The following SERPINB6 variants were observed in gnomAD, a reference collection of about 807,000 sequenced individuals.
SERPINB6 encodes the protein serpin family B member 6.
In SERPINB6, 16 loss-of-function variants were observed where a neutral mutation model predicts 26.1. The observed-to-expected ratio is 0.61, with a 90% confidence interval of 0.42 to 0.93. SERPINB6 has a LOEUF of 0.93. Among genes scored for constraint, SERPINB6 ranks in the 40% least tolerant of loss-of-function variants. The pLI is 0.00. For missense variants in SERPINB6, 420 were observed against 478.0 expected, an observed-to-expected ratio of 0.88 and a Z score of 1.13; for synonymous variants, 174 against 176.6, an observed-to-expected ratio of 0.99 and a Z score of 0.11.
At position 2,948,532 on chromosome 6, in the gene SERPINB6, C is replaced by T. The variant is rs553083417; in HGVS notation, c.897G>A (p.Lys299=). ...LGMTDAFELG[K]ADFSGMSQTD... ...TCTGGGACATTCCAGAGAAGTCTGC[C>T]TTGCCCAGCTCGAAGGCATCAGTCA... The change falls in exon 7 of 7, where the codon AAG becomes AAA. Residue 299 remains lysine (K), a synonymous_variant. Coordinates refer to ENST00000380539, the MANE Select transcript of SERPINB6 (RefSeq NM_004568.6). This position sits in a 1 kb window ranked among gnomAD's most constrained non-coding sequence, Gnocchi z 5.0. 2 of 1,614,190 alleles carry T rather than the reference C, an allele frequency of 1.2e-6. No individual in the cohort carries two copies. Among genetic ancestry groups the T allele is most frequent in the South Asian group, 2.2e-5 (2 of 91,080 alleles).
chr6:2,969,242 A>G, intron 1 of SERPINB6: 2 of 985,770 alleles, frequency 2.0e-6, no homozygotes, highest in Middle Eastern at 5.2e-4. Context: ...GTGAGTAACA[A>G]GGATGCCTGT....
chr6:2,954,473 T>C, intron 4 of SERPINB6, 119 bp downstream of exon 4: 2 of 848,284 alleles, frequency 2.4e-6, no homozygotes, highest in Non-Finnish European at 2.0e-6. Context: ...TTTTTTAAGT[T>C]TGCAGTTATT....
chr6:2,962,055 C>T (rs2113288424), intron 1 of SERPINB6: 2 of 985,412 alleles, frequency 2.0e-6, no homozygotes, highest in Non-Finnish European at 2.4e-6. Context: ...GAAATGTCCA[C>T]CTAAGAAAGG....
At chr6:2,965,261 C>T (rs537083967) in intron 1 of SERPINB6, among the ~76,000 whole-genome samples, 86 of 152,188 alleles carry the variant, frequency 5.7e-4, no homozygotes, top group African/African-American at 2.0e-3. Flanking sequence ...TCATATGCTT[C>T]GACACAAGGA....
rs754009164 is a variant in SERPINB6, at chr6:2,948,648, T to C, written c.781A>G (p.Met261Val). 22 of 1,614,082 alleles carry C rather than the reference T, an allele frequency of 1.4e-5. No homozygotes were observed. In the Admixed American group the frequency reaches 2.2e-4, roughly 16 times the overall value. ...ACTTCCACCTCCTCTTCATCCATCA[T>C]GTCCAGCCTCGTCCATTCTACGAAC... ...EKFVEWTRLDMMDEEEVEVSL... is the reference protein window; with the variant it reads ...EKFVEWTRLDVMDEEEVEVSL... The change falls in exon 7 of 7, where the codon ATG becomes GTG. Residue 261 changes from methionine (M) to valine (V), a missense_variant. Physicochemically the swap from Met to Val is conservative, Grantham distance 21. Coordinates refer to ENST00000380539, the MANE Select transcript of SERPINB6 (RefSeq NM_004568.6). The surrounding 1 kb of genome is among the most constrained non-coding windows in gnomAD (Gnocchi z 5.0).
At chr6:2,961,467 C>A (rs917144023) in intron 1 of SERPINB6, 1 of 152,132 alleles carries the variant, frequency 6.6e-6, no homozygotes, top group African/African-American at 2.4e-5. Context: ...GGAACTGAAG[C>A]AAAATTGGGC....
In SERPINB6 at chr6:2,948,423, C is replaced by G. The variant is rs766618230; in HGVS notation, c.1006G>C (p.Ala336Pro). 1.2e-6 allele frequency: 2 copies of G among 1,614,106 alleles called. No individual in the cohort carries two copies. Among genetic ancestry groups the G allele is most frequent in the African/African-American group, 1.3e-5 (1 of 74,924 alleles). The part of the protein sequence containing the change: ...EGTEAAAATA[A>P]IMMMRCARFV... ...CTGGCACACCGCATCATCATGATGG[C>G]AGCTGTGGCGGCTGCAGCCTCCGTG... Residue 336 changes from alanine (A) to proline (P), a missense_variant, in exon 7 of 7, where the codon GCC (alanine) becomes CCC (proline). Coordinates refer to ENST00000380539, the MANE Select transcript of SERPINB6 (RefSeq NM_004568.6). This position sits in a 1 kb window ranked among gnomAD's most constrained non-coding sequence, Gnocchi z 5.0.
Position 2,948,198 on chromosome 6 carries a change from C to A in SERPINB6, c.*100G>T. On this transcript the variant is annotated 3_prime_UTR_variant, in exon 7 of 7. Coordinates refer to ENST00000380539, the MANE Select transcript of SERPINB6 (RefSeq NM_004568.6). The surrounding 1 kb of genome is among the most constrained non-coding windows in gnomAD (Gnocchi z 5.0). ...CACAAATGGGCCCTTTATTTCTGAA[C>A]TGCCACCACTGCACGGATAAGGCCA... 1 of 1,356,280 alleles carries A rather than the reference C, an allele frequency of 7.4e-7. No homozygotes were observed. Among genetic ancestry groups the A allele is most frequent in the Admixed American group, 1.7e-5 (1 of 58,466 alleles). The allele number at this position is 1,356,280 out of a possible 1,614,324, so 84.0% of individuals were successfully genotyped here.
At chr6:2,958,721 C>G (rs1411954712) in intron 2 of SERPINB6, among the ~76,000 whole-genome samples, 1 of 152,160 alleles carries the variant, frequency 6.6e-6, no homozygotes, top group Admixed American at 6.6e-5. Context: ...GCTGGGAGAG[C>G]TGGTTACACA....
chr6:2,948,586 G>A lies in SERPINB6; in HGVS notation c.843C>T (p.Asp281=). 6.2e-7 allele frequency: 1 copy of A among 1,614,200 alleles called. No homozygotes were observed. The highest frequency in any genetic ancestry group is 1.1e-5 in the South Asian group (1 of 91,082). The change falls in exon 7 of 7, where the codon GAC becomes GAT. Residue 281 remains aspartate, a synonymous_variant. Coordinates refer to ENST00000380539, the MANE Select transcript of SERPINB6 (RefSeq NM_004568.6). This position sits in a 1 kb window ranked among gnomAD's most constrained non-coding sequence, Gnocchi z 5.0. ...CCAGGTTGCGCAGGACACTCTCCAT[G>A]TCGTAGCTTTCCTCTAGTTTAAACC... The part of the protein sequence containing the change: ...LPRFKLEESY[D]MESVLRNLGM...
chr6:2,966,870 G>T (rs891469319), intron 1 of SERPINB6: 8 of 884,200 alleles, frequency 9.0e-6, no homozygotes, highest in Non-Finnish European at 1.1e-5. Context: ...GCCGAGGCTG[G>T]TCCCAAACTC....
At chr6:2,958,341 CG>C (rs1289397419) in intron 2 of SERPINB6, among the ~76,000 whole-genome samples, 1 of 152,198 alleles carries the variant, frequency 6.6e-6, no homozygotes, top group African/African-American at 2.4e-5. Flanking sequence ...ACAGCAGTCA[CG>C]GGTGGCCCCG....
At chr6:2,969,212 G>A (rs761109464) in intron 1 of SERPINB6, 66 of 986,184 alleles carry the variant, frequency 6.7e-5, no homozygotes, top group African/African-American at 1.6e-4. Flanking sequence ...AGGGCTTTCT[G>A]TTATCCTTTC....
At chr6:2,959,473 T>C in intron 1 of SERPINB6, 131 bp from the exon 2 acceptor site, 3 of 894,852 alleles carry the variant, frequency 3.4e-6, no homozygotes, top group South Asian at 2.7e-5. Flanking sequence ...GAACTCTGGC[T>C]GTTTCTTTTT....
intron 1 of SERPINB6, among the ~76,000 whole-genome samples, chr6:2,965,332 G>A (rs1771515413): frequency 6.6e-6 from 1 of 152,166 alleles, no homozygotes; most frequent in Non-Finnish European, 1.5e-5. Flanking sequence ...GAGCATGCGC[G>A]ACTTTCACGC....
At chr6:2,955,764 A>G (rs1581247825) in intron 2 of SERPINB6, 94 bp from the exon 3 acceptor site, 2 of 1,351,552 alleles carry the variant, frequency 1.5e-6, no homozygotes, top group East Asian at 4.7e-5. Flanking sequence ...AACCATCCAG[A>G]CCCTTATTAC....
At chr6:2,952,906 G>T in intron 5 of SERPINB6, 138 bp downstream of exon 5, 1 of 1,269,156 alleles carries the variant, frequency 7.9e-7, no homozygotes, top group Non-Finnish European at 1.1e-6. Flanking sequence ...CAGGCGCCCA[G>T]GGACACGAGG....
chr6:2,949,171 C>G, intron 5 of SERPINB6, 102 bp from the exon 6 acceptor site: 9 of 1,288,078 alleles, frequency 7.0e-6, no homozygotes, highest in South Asian at 1.3e-5. Flanking sequence ...AAACGCAGCT[C>G]GGTTTCTCCC....
chr6:2,949,438 C>T (rs184460626), intron 5 of SERPINB6, among the ~76,000 whole-genome samples: 88 of 152,344 alleles, frequency 5.8e-4, no homozygotes, highest in African/African-American at 2.0e-3. Flanking sequence ...ACCTGTAATG[C>T]GGCACTCCGT....
Sources: allele counts gnomAD v4.1 joint callset (sites outside exome capture counted in the v4.1 genomes callset), GRCh38; gene constraint gnomAD v4.1.1; non-coding constraint Gnocchi (gnomAD v3.1); transcripts MANE v1.5; gene names NCBI Gene and HGNC (gene_info 2026-07-23, HGNC 2026-07-21).